The following SKAP2 variants were observed in gnomAD, a reference collection of about 807,000 sequenced individuals.
SKAP2 encodes src kinase-associated phosphoprotein 2.
A neutral mutation model predicts 54.9 loss-of-function variants in SKAP2; 28 were observed. The observed-to-expected ratio is 0.51, with a 90% CI of 0.38 to 0.70. The LOEUF (loss-of-function observed/expected upper bound fraction) is 0.70. Among genes scored for constraint, SKAP2 ranks in the 30% least tolerant of loss-of-function variants. The pLI is 0.00. For synonymous variants in SKAP2, 137 were observed against 134.3 expected (o/e 1.02, Z -0.14); for missense variants, 356 against 424.1 (o/e 0.84, Z 1.41).
chr7:26,802,455 G>A (rs2127985108), intron 4 of SKAP2, among the ~76,000 whole-genome samples: 1 of 152,064 alleles, frequency 6.6e-6, no homozygotes, highest in East Asian at 2.0e-4. Flanking sequence ...ATTTTTAGTA[G>A]AGACAGGGTT....
chr7:26,821,382 G>A (rs558523794), intron 4 of SKAP2, among the ~76,000 whole-genome samples: 1 of 152,288 alleles, frequency 6.6e-6, no homozygotes, highest in African/African-American at 2.4e-5. Flanking sequence ...AGGAATGAAA[G>A]TAATTAATGG....
chr7:26,742,770 AG>A (rs1398224039), intron 4 of SKAP2, among the ~76,000 whole-genome samples: 2 of 152,184 alleles, frequency 1.3e-5, no homozygotes, highest in African/African-American at 4.8e-5. Flanking sequence ...TAAACACTTT[AG>A]ATTTTTAAAT....
At chr7:26,720,005 T>C (rs1205635179) in intron 9 of SKAP2, among the ~76,000 whole-genome samples, 2 of 151,906 alleles carry the variant, frequency 1.3e-5, no homozygotes, top group Non-Finnish European at 2.9e-5. Flanking sequence ...CTGTGCATTG[T>C]AGGTCGTTTA....
intron 4 of SKAP2, among the ~76,000 whole-genome samples, chr7:26,792,763 C>A (rs1244861775): frequency 6.6e-6 from 1 of 152,116 alleles, no homozygotes; most frequent in Non-Finnish European, 1.5e-5. Context: ...CAGGCAATGT[C>A]TTTTCAATCT....
chr7:26,825,973 T>C (rs1784483872), intron 4 of SKAP2, among the ~76,000 whole-genome samples: 1 of 152,158 alleles, frequency 6.6e-6, no homozygotes, highest in African/African-American at 2.4e-5. Context: ...TGCTTTTGAA[T>C]TGCTTATTTC....
chr7:26,833,463 T>C lies in SKAP2; in HGVS notation c.307+10567A>G, dbSNP rs1308948061. 2.7e-5 allele frequency among the ~76,000 whole-genome samples: 4 copies of C among 150,258 alleles called. No individual in the cohort carries two copies. The East Asian group carries it at 7.8e-4, about 29-fold the overall frequency. ...AGAGTCAACACCCATAGGTGTGCTG[T>C]ATTCAGGAGACCCATCTGACGTGCA... is the stretch of plus-strand genomic sequence containing the variant. On this transcript the variant is annotated intron_variant, in intron 4 of 12. Transcript: ENST00000345317.
At chr7:26,809,770 T>C (rs908234254) in intron 4 of SKAP2, among the ~76,000 whole-genome samples, 1 of 152,148 alleles carries the variant, frequency 6.6e-6, no homozygotes, top group Non-Finnish European at 1.5e-5. Flanking sequence ...ATCCAAAAGA[T>C]ACAAAATCAG....
intron 4 of SKAP2, among the ~76,000 whole-genome samples, chr7:26,814,523 C>T (rs1374575998): frequency 7.0e-5 from 10 of 143,846 alleles, no homozygotes; most frequent in Admixed American, 2.8e-4. Flanking sequence ...ATAATCCCAG[C>T]GAAATCACTC....
chr7:26,733,589 CAA>C (rs1208012838), intron 6 of SKAP2, among the ~76,000 whole-genome samples: 1 of 152,012 alleles, frequency 6.6e-6, no homozygotes, highest in African/African-American at 2.4e-5. Flanking sequence ...TTTCAAACTT[CAA>C]AGAGAACATA....
In SKAP2 at chr7:26,841,346, TA is replaced by T. The variant is rs993332543; in HGVS notation, c.307+2683del. On this transcript the variant is annotated intron_variant, in intron 4 of 12. Coordinates refer to ENST00000345317, the MANE Select transcript of SKAP2 (RefSeq NM_003930.5). ...TGCTATCAATCAGGCAGTTGGCCAA[TA>T]AAAAAAAAAAGGCAGGCTGAAAACA... 1.3e-3 allele frequency among the ~76,000 whole-genome samples: 176 copies of T among 140,520 alleles called. 1 individual carries two copies. The highest frequency in any genetic ancestry group is 1.0e-3 in the Admixed American group (14 of 14,066). The allele number at this position is 140,520 out of a possible 152,430, so 92.2% of individuals were successfully genotyped here.
chr7:26,685,347 A>T (rs115827676), intron 10 of SKAP2, among the ~76,000 whole-genome samples: 2,435 of 149,848 alleles, frequency 0.016, 61 homozygotes, highest in African/African-American at 0.055. Flanking sequence ...AACCAAAATT[A>T]AAAAAAAAAT....
intron 4 of SKAP2, among the ~76,000 whole-genome samples, chr7:26,757,097 A>G (rs1268794708): frequency 6.6e-6 from 1 of 152,156 alleles, no homozygotes; most frequent in Non-Finnish European, 1.5e-5. Flanking sequence ...AGCAGATTGC[A>G]AAAATTTTCT....
intron 6 of SKAP2, among the ~76,000 whole-genome samples, chr7:26,732,292 C>T (rs1297212448): frequency 1.3e-5 from 2 of 152,164 alleles, no homozygotes; most frequent in African/African-American, 4.8e-5. Context: ...ATCACATGTC[C>T]TGGCTTGGCA....
chr7:26,816,982 G>A (rs556717654), intron 4 of SKAP2, among the ~76,000 whole-genome samples: 1 of 152,222 alleles, frequency 6.6e-6, no homozygotes, highest in Non-Finnish European at 1.5e-5. Context: ...AAATTAATCT[G>A]AGAGGATATG....
chr7:26,734,665 C>G (rs10244132), intron 6 of SKAP2, among the ~76,000 whole-genome samples: 7,353 of 152,224 alleles, frequency 0.048, 598 homozygotes, highest in African/African-American at 0.17. Flanking sequence ...GAGGGCTGCT[C>G]TCTGCTTCAA....
At chr7:26,749,771 ATAATAATAATAATAG>A (rs1473876635) in intron 4 of SKAP2, among the ~76,000 whole-genome samples, 32 of 148,988 alleles carry the variant, frequency 2.1e-4, no homozygotes, top group African/African-American at 6.9e-4. Flanking sequence ...AATAATAATA[ATAATAATAATAATAG>A]GTCCTACTTC....
chr7:26,848,791 A>C (rs1281173712), intron 3 of SKAP2, among the ~76,000 whole-genome samples: 1 of 152,230 alleles, frequency 6.6e-6, no homozygotes, highest in African/African-American at 2.4e-5. Context: ...CTTCAGGAAA[A>C]GTTTCATTCT....
intron 4 of SKAP2, among the ~76,000 whole-genome samples, chr7:26,833,306 G>A (rs1295956113): frequency 6.6e-6 from 1 of 150,888 alleles, no homozygotes; most frequent in South Asian, 2.1e-4. Flanking sequence ...TGAGGCAGGA[G>A]AATGGAGTGA....
chr7:26,765,757 T>C (rs1783037972), intron 4 of SKAP2, among the ~76,000 whole-genome samples: 1 of 152,166 alleles, frequency 6.6e-6, no homozygotes, highest in Non-Finnish European at 1.5e-5. Context: ...TTTGTCAGGT[T>C]TGTCAAAGAG....
Sources: gnomAD v4.1 joint callset for allele counts (sites outside exome capture counted in the v4.1 genomes callset) on GRCh38, gnomAD v4.1.1 for gene constraint, MANE v1.5 for transcripts, NCBI Gene and HGNC (gene_info 2026-07-23, HGNC 2026-07-21) for gene names.